SPAST: variants seen among roughly 807,000 people sequenced by gnomAD.
SPAST encodes the protein spastin.
In SPAST, 30 loss-of-function variants were observed where a neutral mutation model predicts 76.6. That is an observed-to-expected ratio of 0.39 (90% CI 0.29 to 0.53). SPAST has a LOEUF of 0.53. SPAST is among the 20% of genes least tolerant of loss of function. The pLI is 0.68. For synonymous variants in SPAST, 305 were observed against 281.0 expected (o/e 1.09, Z -0.86); for missense variants, 717 against 770.5 (o/e 0.93, Z 0.82).
chr2:32,075,875 T>TTTA (rs1553397185), intron 1 of SPAST, among the ~76,000 whole-genome samples: 1 of 142,786 alleles, frequency 7.0e-6, no homozygotes, highest in Non-Finnish European at 1.5e-5. Context: ...TTTTTTTTTT[T>TTTA]AATGAAAAAT....
In SPAST at chr2:32,156,613, A is replaced by T. The variant is rs1410029051; in HGVS notation, c.*2117A>T. Reference sequence around the variant, plus strand: ...GAAAAGAATTGAGAAGTTCTAAATTAAGACATTTCAGTTAAGCTCATAAAA... The same window carrying T: ...GAAAAGAATTGAGAAGTTCTAAATTTAGACATTTCAGTTAAGCTCATAAAA... On this transcript the variant is annotated 3_prime_UTR_variant, in exon 17 of 17. Coordinates refer to ENST00000315285, the MANE Select transcript of SPAST (RefSeq NM_014946.4). 6.6e-6 allele frequency: 1 copy of T among 151,588 alleles called. No individual in the cohort carries two copies. The highest frequency in any genetic ancestry group is 1.5e-5 in the Non-Finnish European group (1 of 67,966). The allele number at this position is 151,588 out of a possible 1,614,324, so 9.4% of individuals were successfully genotyped here. A position where few individuals can be genotyped will look rare whatever the true frequency, so the allele number is the denominator to read the frequency against.
intron 13 of SPAST, 72 bp downstream of exon 13, chr2:32,142,018 C>T (rs752218504): frequency 8.7e-7 from 1 of 1,150,004 alleles, no homozygotes; most frequent in Non-Finnish European, 1.3e-6. Context: ...AATATTAAGT[C>T]TTCCAATCCA....
intron 8 of SPAST, chr2:32,128,152 G>T: frequency 2.4e-6 from 1 of 409,894 alleles, no homozygotes; most frequent in East Asian, 5.4e-5. Context: ...GCGCCACCAC[G>T]CCTGACTAAT....
intron 12 of SPAST, among the ~76,000 whole-genome samples, chr2:32,140,109 A>G (rs1159669300): frequency 2.0e-5 from 3 of 151,720 alleles, no homozygotes; most frequent in Middle Eastern, 3.2e-3. Context: ...TGTTTTCCCT[A>G]TCTGTAATTT....
Position 32,136,884 on chromosome 2 carries a change from T to G in SPAST, c.1329T>G (p.Val443=), listed in dbSNP as rs752493980. The change falls in exon 11 of 17, where the codon GTT becomes GTG. Residue 443 remains valine (V), a synonymous_variant. Transcript: ENST00000315285. ...TACTTGTATTTCCTCTAGATGAAGT[T>G]GATAGCCTTTTGTGTGAAAGAAGAG... is the stretch of plus-strand genomic sequence containing the variant. ...LQPSIIFIDE[V]DSLLCERREG... 6.2e-7 allele frequency: 1 copy of G among 1,612,810 alleles called. No individual in the cohort carries two copies. Among genetic ancestry groups the G allele is most frequent in the Non-Finnish European group, 8.5e-7 (1 of 1,178,878 alleles).
chr2:32,075,875 T>TTA lies in SPAST; in HGVS notation c.416-11617_416-11616insTA, dbSNP rs1553397185. ...GACTCCTGGCTTTTTTTTTTTTTTT[T>TTA]AATGAAAAATTCAAAATGCTCTTTT... On this transcript the variant is annotated intron_variant, in intron 1 of 16. Coordinates refer to ENST00000315285, the MANE Select transcript of SPAST (RefSeq NM_014946.4). Among the ~76,000 whole-genome samples the TTA allele has an allele frequency of 7.4e-4, 105 of 142,786 alleles. 1 individual carries two copies. Among genetic ancestry groups the TTA allele is most frequent in the East Asian group, 1.7e-3 (8 of 4,746 alleles). The allele number at this position is 142,786 out of a possible 152,430, so 93.7% of individuals were successfully genotyped here.
At chr2:32,082,147 C>G (rs987082508) in intron 1 of SPAST, among the ~76,000 whole-genome samples, 1 of 150,678 alleles carries the variant, frequency 6.6e-6, no homozygotes, top group South Asian at 2.1e-4. Context: ...CACCCACCCC[C>G]ACGCCCAGCT....
chr2:32,108,890 T>C lies in SPAST; in HGVS notation c.683-5748T>C, dbSNP rs193034385. ...AACCCATTCTCCTGCCTCAGCCTCCTGAGTAGCTGGGACTACAGATGCGTG... is the reference window on the plus strand; with the variant it reads ...AACCCATTCTCCTGCCTCAGCCTCCCGAGTAGCTGGGACTACAGATGCGTG... On this transcript the variant is annotated intron_variant, in intron 4 of 16. Transcript: ENST00000315285. Among the ~76,000 whole-genome samples the C allele has an allele frequency of 7.4e-3, 1,048 of 141,674 alleles. 18 individuals are homozygous for C. Among genetic ancestry groups the C allele is most frequent in the African/African-American group, 0.026 (985 of 37,884 alleles). The allele number at this position is 141,674 out of a possible 152,430, so 92.9% of individuals were successfully genotyped here.
intron 1 of SPAST, among the ~76,000 whole-genome samples, chr2:32,065,725 A>G (rs1676482649): frequency 6.6e-6 from 1 of 152,128 alleles, no homozygotes; most frequent in Non-Finnish European, 1.5e-5. Context: ...AAACAGAAAC[A>G]ATCTGCACTT....
chr2:32,145,969 G>C (rs918468826), intron 15 of SPAST, among the ~76,000 whole-genome samples: 12 of 152,192 alleles, frequency 7.9e-5, no homozygotes, highest in Non-Finnish European at 1.5e-5. Context: ...TGCATTAAAA[G>C]CCTACATTAT....
chr2:32,087,423 C>A, intron 1 of SPAST, 69 bp from the exon 2 acceptor site: 1 of 942,080 alleles, frequency 1.1e-6, no homozygotes, highest in Non-Finnish European at 1.7e-6. Context: ...TATTACCTCT[C>A]AACAGCATGA....
chr2:32,094,110 A>G (rs1677832402), intron 3 of SPAST, among the ~76,000 whole-genome samples: 1 of 152,182 alleles, frequency 6.6e-6, no homozygotes, highest in Non-Finnish European at 1.5e-5. Flanking sequence ...CATAATAAAC[A>G]AATATGTTAC....
intron 12 of SPAST, among the ~76,000 whole-genome samples, chr2:32,137,902 A>G (rs1017169126): frequency 1.3e-5 from 2 of 152,158 alleles, no homozygotes; most frequent in African/African-American, 4.8e-5. Flanking sequence ...TTATGAGAAC[A>G]TGAGCTATTT....
chr2:32,092,570 AAAAG>A (rs1677764069), intron 3 of SPAST, among the ~76,000 whole-genome samples: 3 of 152,238 alleles, frequency 2.0e-5, no homozygotes. Context: ...GGAGAGAACA[AAAAG>A]AAGATATGTA....
At position 32,077,163 on chromosome 2, in the gene SPAST, C is replaced by T. The variant is rs777483423; in HGVS notation, c.416-10329C>T. ...TGCTGGGATTATAGGCGTGAGCCAC[C>T]GCGCCCGGCTTTAATTGAGATTTTT... On this transcript the variant is annotated intron_variant, in intron 1 of 16. Transcript: ENST00000315285. Among the ~76,000 whole-genome samples the T allele has an allele frequency of 3.3e-5, 5 of 152,246 alleles. No individual in the cohort carries two copies. The East Asian group carries it at 5.8e-4, about 18-fold the overall frequency.
chr2:32,064,045 G>T lies in SPAST; in HGVS notation c.214G>T (p.Gly72Trp), dbSNP rs1177262272. 1 of 1,613,182 alleles carries T rather than the reference G, an allele frequency of 6.2e-7. No homozygotes were observed. Among genetic ancestry groups the T allele is most frequent in the Non-Finnish European group, 8.5e-7 (1 of 1,179,552 alleles). Residue 72 changes from glycine (G) to tryptophan (W), a missense_variant, in exon 1 of 17, where the codon GGG (glycine) becomes TGG (tryptophan). Physicochemically the swap from Gly to Trp is radical, Grantham distance 184. This residue lies in a region of SPAST where 543 missense variants were observed against 445.2 expected (regional missense o/e 1.22). Transcript: ENST00000315285. ...GCTGCGTTTGGTCGCCTTCCACCTGGGGCTCCTCTTCGTGTGGCTCTGCCA... is the reference window on the plus strand; with the variant it reads ...GCTGCGTTTGGTCGCCTTCCACCTGTGGCTCCTCTTCGTGTGGCTCTGCCA... ...ALLRLVAFHL[G>W]LLFVWLCQRF...
At position 32,063,767 on chromosome 2, in the gene SPAST, CG is replaced by C; in HGVS notation, c.-64del. The C allele has an allele frequency of 6.5e-7, 1 of 1,527,888 alleles. No individual in the cohort carries two copies. Among genetic ancestry groups the C allele is most frequent in the Non-Finnish European group, 8.7e-7 (1 of 1,143,442 alleles). The allele number at this position is 1,527,888 out of a possible 1,614,324, so 94.6% of individuals were successfully genotyped here. A position where few individuals can be genotyped will look rare whatever the true frequency, so the allele number is the denominator to read the frequency against. ...CCCCCGCCGTAGCAGTGGCTGCCGCCGTCGCTTGGTTCCCGTCGGTCTGCGG... is the reference window on the plus strand; with the variant it reads ...CCCCCGCCGTAGCAGTGGCTGCCGCCTCGCTTGGTTCCCGTCGGTCTGCGG... On this transcript the variant is annotated 5_prime_UTR_variant, in exon 1 of 17. Transcript: ENST00000315285.
chr2:32,067,705 G>A (rs973888236), intron 1 of SPAST, among the ~76,000 whole-genome samples: 1 of 149,744 alleles, frequency 6.7e-6, no homozygotes, highest in African/African-American at 2.4e-5. Flanking sequence ...GGAGTGGAAT[G>A]TGATCATAGC....
chr2:32,147,197 C>G (rs899522088), intron 15 of SPAST, 21 bp from the exon 16 acceptor site: 1 of 1,595,168 alleles, frequency 6.3e-7, no homozygotes, highest in Non-Finnish European at 8.6e-7. Flanking sequence ...TTTTTAAGTG[C>G]CTGACTTTTA....
Sources: gnomAD v4.1 joint callset for allele counts (sites outside exome capture counted in the v4.1 genomes callset) on GRCh38, gnomAD v4.1.1 for gene constraint, gnomAD v4.1.1 regional missense constraint, MANE v1.5 for transcripts, NCBI Gene and HGNC (gene_info 2026-07-23, HGNC 2026-07-21) for gene names.